ASAP2: variants seen among roughly 807,000 people sequenced by gnomAD.
ASAP2 encodes ArfGAP with SH3 domain, ankyrin repeat and PH domain 2.
ASAP2 carries 45 observed loss-of-function variants against 131.4 expected under a neutral mutation model. The observed-to-expected ratio is 0.34, with a 90% CI of 0.27 to 0.44. The LOEUF (loss-of-function observed/expected upper bound fraction) is 0.44. Ranked by LOEUF, ASAP2 falls within the 20% of genes least tolerant of loss-of-function variation. The pLI is 1.00. For missense variants in ASAP2, 1,011 were observed against 1,297.0 expected, an observed-to-expected ratio of 0.78 and a Z score of 3.39; for synonymous variants, 510 against 503.0, an observed-to-expected ratio of 1.01 and a Z score of -0.19.
chr2:9,273,351 G>A (rs1666539906), intron 1 of ASAP2, among the ~76,000 whole-genome samples: 4 of 152,166 alleles, frequency 2.6e-5, no homozygotes, highest in Admixed American at 2.6e-4. Context: ...ATTGTTCACT[G>A]TTGGCATATA....
intron 11 of ASAP2, among the ~76,000 whole-genome samples, chr2:9,348,091 C>T (rs1672084906): frequency 6.6e-6 from 1 of 152,090 alleles, no homozygotes; most frequent in Non-Finnish European, 1.5e-5. Context: ...TTCTGTATCT[C>T]AATTAACTGA....
chr2:9,391,554 T>C (rs1418194304), intron 23 of ASAP2, among the ~76,000 whole-genome samples: 1 of 151,810 alleles, frequency 6.6e-6, no homozygotes. Flanking sequence ...AGAATCTGGC[T>C]TTTTGTTTTT....
At chr2:9,280,527 CA>C (rs1667066578) in intron 2 of ASAP2, among the ~76,000 whole-genome samples, 1 of 152,160 alleles carries the variant, frequency 6.6e-6, no homozygotes. Flanking sequence ...ACAAATTTAA[CA>C]GAAGACGCAC....
rs1490883087 is a variant in ASAP2 at position 9,335,192 on chromosome 2, A to G, written c.849+13A>G. ...TGAACAGAAAGAGGTGAGGGGATTT[A>G]ATTTTGAAAGATTGCAGTTTTCACC... On this transcript the variant is annotated intron_variant, in intron 9 of 27. Coordinates refer to ENST00000281419, the MANE Select transcript of ASAP2 (RefSeq NM_003887.3). The G allele has an allele frequency of 6.2e-7, 1 of 1,612,550 alleles. No homozygotes were observed. Among genetic ancestry groups the G allele is most frequent in the East Asian group, 2.2e-5 (1 of 44,886 alleles).
intron 15 of ASAP2, among the ~76,000 whole-genome samples, chr2:9,364,137 G>T (rs374770551): frequency 6.6e-6 from 1 of 152,148 alleles, no homozygotes; most frequent in East Asian, 1.9e-4. Flanking sequence ...CTACTATCAT[G>T]ATCAATTTCA....
At chr2:9,295,669 T>C (rs1207119239) in intron 2 of ASAP2, among the ~76,000 whole-genome samples, 1 of 152,236 alleles carries the variant, frequency 6.6e-6, no homozygotes, top group African/African-American at 2.4e-5. Flanking sequence ...TGTGTGCACA[T>C]GTATGTTTCT....
intron 1 of ASAP2, among the ~76,000 whole-genome samples, chr2:9,261,771 C>T (rs1021634536): frequency 3.3e-5 from 5 of 152,254 alleles, no homozygotes; most frequent in African/African-American, 9.6e-5. Flanking sequence ...TGGTGGTGTC[C>T]CAGGTGGGAG....
chr2:9,231,547 G>T (rs2148027320), intron 1 of ASAP2, among the ~76,000 whole-genome samples: 1 of 152,284 alleles, frequency 6.6e-6, no homozygotes, highest in African/African-American at 2.4e-5. Context: ...TCTGTTGTGT[G>T]TGCATGCCCA....
At chr2:9,251,426 C>T (rs1038725183) in intron 1 of ASAP2, among the ~76,000 whole-genome samples, 3 of 152,170 alleles carry the variant, frequency 2.0e-5, no homozygotes, top group African/African-American at 7.2e-5. Flanking sequence ...AGTCTGGCTG[C>T]TCAGTGGGTC....
Position 9,403,511 on chromosome 2 carries a change from T to G in ASAP2, c.*184T>G, listed in dbSNP as rs1263433110. The G allele has an allele frequency of 1.2e-5, 7 of 569,650 alleles. No individual in the cohort carries two copies. Among genetic ancestry groups the G allele is most frequent in the African/African-American group, 1.9e-5 (1 of 52,786 alleles). 35.3% of individuals were successfully genotyped at this position (569,650 alleles called of 1,614,324 possible). ...CAGTAATTGTTTTTATAATTTGTGG[T>G]TTTCATGAAACATTGCTATGCATTT... On this transcript the variant is annotated 3_prime_UTR_variant, in exon 28 of 28. Coordinates refer to ENST00000281419, the MANE Select transcript of ASAP2 (RefSeq NM_003887.3).
chr2:9,238,580 A>G (rs994138486), intron 1 of ASAP2, among the ~76,000 whole-genome samples: 2 of 152,236 alleles, frequency 1.3e-5, no homozygotes, highest in Non-Finnish European at 2.9e-5. Flanking sequence ...ATGGAAAACC[A>G]TAGCACTGGT....
At chr2:9,333,372 G>T (rs1435850511) in intron 7 of ASAP2, among the ~76,000 whole-genome samples, 1 of 152,200 alleles carries the variant, frequency 6.6e-6, no homozygotes, top group Non-Finnish European at 1.5e-5. Flanking sequence ...ATACATAATT[G>T]CAGTTACAGC....
At chr2:9,319,257 C>G (rs755768445) in intron 4 of ASAP2, among the ~76,000 whole-genome samples, 1 of 152,232 alleles carries the variant, frequency 6.6e-6, no homozygotes, top group African/African-American at 2.4e-5. Context: ...ACGGAAGGGA[C>G]GTGATTGTGG....
chr2:9,375,002 C>T (rs577362033), intron 17 of ASAP2, 58 bp downstream of exon 17: 14 of 1,473,550 alleles, frequency 9.5e-6, no homozygotes, highest in Admixed American at 2.3e-5. Context: ...CACGGTGGCT[C>T]ATGCCTGGGA....
intron 1 of ASAP2, among the ~76,000 whole-genome samples, chr2:9,275,834 A>G (rs1666726809): frequency 6.6e-6 from 1 of 152,190 alleles, no homozygotes; most frequent in African/African-American, 2.4e-5. Context: ...GAAAGCATTA[A>G]AAAAACTAAA....
At chr2:9,395,647 G>A (rs1004754131) in intron 24 of ASAP2, among the ~76,000 whole-genome samples, 1 of 110,548 alleles carries the variant, frequency 9.0e-6, no homozygotes, top group Non-Finnish European at 1.7e-5. Flanking sequence ...TTGCTCTGTC[G>A]CCCAGGCTGG....
At chr2:9,251,640 A>C (rs1038000315) in intron 1 of ASAP2, among the ~76,000 whole-genome samples, 3 of 152,102 alleles carry the variant, frequency 2.0e-5, no homozygotes, top group Non-Finnish European at 4.4e-5. Context: ...GAGAAGGGGA[A>C]GGGAGCAGCT....
chr2:9,207,788 C>T lies in ASAP2; in HGVS notation c.126+558C>T, dbSNP rs1355727924. ...GCTCCACCCGTGCCCGGAGAAGGAA[C>T]TGCGGGCAAGGTGTGTGAGAGTCGG... On this transcript the variant is annotated intron_variant, in intron 1 of 27. Coordinates refer to ENST00000281419, the MANE Select transcript of ASAP2 (RefSeq NM_003887.3). This position sits in a 1 kb window ranked among gnomAD's most constrained non-coding sequence, Gnocchi z 4.1. Among the ~76,000 whole-genome samples, 1 of 152,176 alleles carries T rather than the reference C, an allele frequency of 6.6e-6. No homozygotes were observed. Among genetic ancestry groups the T allele is most frequent in the Non-Finnish European group, 1.5e-5 (1 of 68,026 alleles).
At chr2:9,249,437 T>G (rs1481461632) in intron 1 of ASAP2, among the ~76,000 whole-genome samples, 1 of 152,240 alleles carries the variant, frequency 6.6e-6, no homozygotes, top group African/African-American at 2.4e-5. Flanking sequence ...AGCCCCTCAC[T>G]TGGGCTTGTT....
Sources: allele counts gnomAD v4.1 joint callset (sites outside exome capture counted in the v4.1 genomes callset), GRCh38; gene constraint gnomAD v4.1.1; non-coding constraint Gnocchi (gnomAD v3.1); transcripts MANE v1.5; gene names NCBI Gene and HGNC (gene_info 2026-07-23, HGNC 2026-07-21).